The following STAM variants were observed in gnomAD, a reference collection of about 807,000 sequenced individuals.
The protein encoded by STAM is signal transducing adaptor molecule.
A neutral mutation model predicts 63.4 loss-of-function variants in STAM; 16 were observed. The ratio of observed to expected loss-of-function variants is 0.25; its 90% CI spans 0.17 to 0.38. STAM has a LOEUF of 0.38. Among genes scored for constraint, STAM ranks in the 10% least tolerant of loss-of-function variants. STAM has a pLI of 1.00. For synonymous variants in STAM, 238 were observed against 223.9 expected (o/e 1.06, Z -0.56); for missense variants, 636 against 657.1 (o/e 0.97, Z 0.35).
chr10:17,667,057 G>T (rs1189896861), intron 2 of STAM, among the ~76,000 whole-genome samples: 1 of 152,084 alleles, frequency 6.6e-6, no homozygotes, highest in Non-Finnish European at 1.5e-5. Flanking sequence ...TTTCAAGTGA[G>T]AAATCTAATT....
At chr10:17,661,910 C>CG (rs1284007484) in intron 2 of STAM, among the ~76,000 whole-genome samples, 2 of 151,704 alleles carry the variant, frequency 1.3e-5, no homozygotes, top group Non-Finnish European at 2.9e-5. Context: ...CCCATCCATC[C>CG]CTTTGTTGTA....
chr10:17,652,328 G>A (rs1171032617), intron 1 of STAM, among the ~76,000 whole-genome samples: 3 of 152,098 alleles, frequency 2.0e-5, no homozygotes, highest in Non-Finnish European at 4.4e-5. Flanking sequence ...CTCAATAAAT[G>A]ATGTGAACAA....
At chr10:17,713,232 TG>T (rs1836638675) in intron 13 of STAM, among the ~76,000 whole-genome samples, 1 of 152,194 alleles carries the variant, frequency 6.6e-6, no homozygotes, top group African/African-American at 2.4e-5. Context: ...CAAGGTCCAG[TG>T]CACAGTAGAT....
At chr10:17,665,994 C>A (rs10218868) in intron 2 of STAM, among the ~76,000 whole-genome samples, 92,382 of 151,882 alleles carry the variant, frequency 0.61, 28,851 homozygotes, top group African/African-American at 0.75. Flanking sequence ...TGATAATAGC[C>A]GTTTTCTTTA....
At chr10:17,684,236 T>C (rs1249759913) in intron 2 of STAM, among the ~76,000 whole-genome samples, 1 of 152,190 alleles carries the variant, frequency 6.6e-6, no homozygotes, top group African/African-American at 2.4e-5. Flanking sequence ...GCTTATCTAA[T>C]TCATTTTCCT....
chr10:17,673,816 T>C (rs1238365883), intron 2 of STAM, among the ~76,000 whole-genome samples: 1 of 152,250 alleles, frequency 6.6e-6, no homozygotes, highest in Admixed American at 6.5e-5. Context: ...TCCCTAAGCG[T>C]TAACTATTAG....
chr10:17,677,729 A>G (rs1364971144), intron 2 of STAM, among the ~76,000 whole-genome samples: 3 of 152,224 alleles, frequency 2.0e-5, no homozygotes, highest in Non-Finnish European at 4.4e-5. Context: ...ACATTCAGTC[A>G]ATATTAGTTC....
intron 5 of STAM, among the ~76,000 whole-genome samples, chr10:17,689,276 T>C (rs572257521): frequency 6.6e-6 from 1 of 152,358 alleles, no homozygotes; most frequent in East Asian, 1.9e-4. Flanking sequence ...TAATGAGTGA[T>C]GTGAAACCAT....
chr10:17,667,096 A>G (rs1340737094), intron 2 of STAM, among the ~76,000 whole-genome samples: 2 of 151,286 alleles, frequency 1.3e-5, no homozygotes, highest in Non-Finnish European at 2.9e-5. Context: ...ATATAACTTA[A>G]AATAGCGGAA....
chr10:17,702,207 C>A (rs1172617861), intron 9 of STAM, among the ~76,000 whole-genome samples: 10 of 152,196 alleles, frequency 6.6e-5, no homozygotes, highest in African/African-American at 1.2e-4. Flanking sequence ...TAATAATAAT[C>A]ATTACCTTAT....
At chr10:17,697,838 TATCTC>T (rs1554827807) in intron 8 of STAM, among the ~76,000 whole-genome samples, 1 of 152,112 alleles carries the variant, frequency 6.6e-6, no homozygotes, top group Non-Finnish European at 1.5e-5. Flanking sequence ...TTTGGCAAAA[TATCTC>T]ATTATCGTTT....
At chr10:17,669,352 A>T (rs1834530132) in intron 2 of STAM, among the ~76,000 whole-genome samples, 1 of 146,528 alleles carries the variant, frequency 6.8e-6, no homozygotes, top group African/African-American at 2.5e-5. Context: ...TATGGTCTTG[A>T]GGTTTTTTTT....
At chr10:17,679,472 A>G (rs969485107) in intron 2 of STAM, among the ~76,000 whole-genome samples, 2 of 151,954 alleles carry the variant, frequency 1.3e-5, no homozygotes, top group Non-Finnish European at 2.9e-5. Context: ...CTCTTGTCAT[A>G]TATATGATTT....
At chr10:17,652,692 T>G (rs1347513233) in intron 1 of STAM, among the ~76,000 whole-genome samples, 1 of 151,764 alleles carries the variant, frequency 6.6e-6, no homozygotes, top group African/African-American at 2.4e-5. Context: ...TACCAGTCAG[T>G]GAGAATGATG....
intron 2 of STAM, among the ~76,000 whole-genome samples, chr10:17,669,354 G>GT (rs1221257779): frequency 0.018 from 2,454 of 135,112 alleles, 37 homozygotes; most frequent in Middle Eastern, 0.047. Context: ...TGGTCTTGAG[G>GT]TTTTTTTTTT....
intron 4 of STAM, among the ~76,000 whole-genome samples, chr10:17,687,293 G>A (rs1302147936): frequency 6.6e-6 from 1 of 152,090 alleles, no homozygotes; most frequent in African/African-American, 2.4e-5. Context: ...TGGCCAACAT[G>A]GTAAAACCCC....
chr10:17,704,919 CA>C (rs1564569478), intron 10 of STAM, 50 bp from the exon 11 acceptor site: 5 of 1,420,632 alleles, frequency 3.5e-6, no homozygotes, highest in South Asian at 1.2e-5. Context: ...CAAAGGTTCA[CA>C]TTTTTTTTTC....
intron 1 of STAM, among the ~76,000 whole-genome samples, chr10:17,657,660 A>T (rs984354415): frequency 3.9e-5 from 6 of 152,018 alleles, no homozygotes; most frequent in Non-Finnish European, 8.8e-5. Context: ...GGCCATTTAG[A>T]TTGTCTGTTT....
intron 5 of STAM, among the ~76,000 whole-genome samples, chr10:17,691,289 C>T (rs781824956): frequency 2.0e-5 from 3 of 152,032 alleles, no homozygotes; most frequent in Non-Finnish European, 2.9e-5. Context: ...GAGGCCGAGG[C>T]GGGTGGGTCA....
Sources: gnomAD v4.1 joint callset for allele counts (sites outside exome capture counted in the v4.1 genomes callset) on GRCh38, gnomAD v4.1.1 for gene constraint, MANE v1.5 for transcripts, NCBI Gene and HGNC (gene_info 2026-07-23, HGNC 2026-07-21) for gene names.